The following MAP3K3 variants were observed in gnomAD, a reference collection of about 807,000 sequenced individuals.
MAP3K3 encodes mitogen-activated protein kinase kinase kinase 3.
MAP3K3 carries 12 observed loss-of-function variants against 80.9 expected under a neutral mutation model. The ratio of observed to expected loss-of-function variants is 0.15; its 90% confidence interval spans 0.10 to 0.24. The LOEUF is 0.24. Among genes scored for constraint, MAP3K3 ranks in the 10% least tolerant of loss-of-function variants. The probability of loss-of-function intolerance (pLI) is 1.00; values close to 1 mark genes in which losing one functional copy is unlikely to be tolerated. For missense variants in MAP3K3, 596 were observed against 834.7 expected (o/e 0.71, Z 3.52); for synonymous variants, 272 against 307.1 (o/e 0.89, Z 1.19).
chr17:63,682,119 T>G (rs1003851887), intron 7 of MAP3K3, among the ~76,000 whole-genome samples: 1 of 152,218 alleles, frequency 6.6e-6, no homozygotes. Flanking sequence ...CTACATAGTT[T>G]CCTTGTTGTT....
In MAP3K3 at chr17:63,694,840, G is replaced by C. The variant is rs895224521; in HGVS notation, c.*1063G>C. On this transcript the variant is annotated 3_prime_UTR_variant, in exon 16 of 16. Transcript: ENST00000361733. ...CCACCAGCTGTGTCCAAAACCGCCA[G>C]CTCTGTTCTTCCTCAGCCAGCCTCG... The C allele has an allele frequency of 6.5e-6, 1 of 153,196 alleles. No homozygotes were observed. Among genetic ancestry groups the C allele is most frequent in the African/African-American group, 2.4e-5 (1 of 41,472 alleles). The allele number at this position is 153,196 out of a possible 1,614,324, so 9.5% of individuals were successfully genotyped here.
chr17:63,634,371 C>G (rs1408350451), intron 2 of MAP3K3, among the ~76,000 whole-genome samples: 1 of 152,138 alleles, frequency 6.6e-6, no homozygotes, highest in Non-Finnish European at 1.5e-5. Context: ...AAAGGGGAAG[C>G]TTTCTTGAAT....
rs1484825405 is a variant in MAP3K3 at position 63,652,587 on chromosome 17, T to C, written c.198T>C (p.Tyr66=). ...TAGCGTTCAGCCGGCCTGTGAAATA[T>C]GAAGATGTGGAGCACAAGGTGACAA... ...RIIAFSRPVK[Y]EDVEHKVTTV... is the part of the protein sequence containing the mutation. The change falls in exon 4 of 16, where the codon TAT becomes TAC. Residue 66 remains tyrosine (Y), a synonymous_variant. Transcript: ENST00000361733. 2 of 1,613,878 alleles carry C rather than the reference T, an allele frequency of 1.2e-6. No homozygotes were observed. The highest frequency in any genetic ancestry group is 1.3e-5 in the African/African-American group (1 of 74,918).
At position 63,692,363 on chromosome 17, in the gene MAP3K3, C is replaced by T; in HGVS notation, c.1596C>T (p.Tyr532=). ...TGMRSVTGTP[Y]WMSPEVISGE... is the part of the protein sequence containing the mutation. ...TGCGCTCCGTCACTGGCACACCCTA[C>T]TGGATGAGCCCTGAGGTGATCAGCG... Residue 532 remains tyrosine (Y), a synonymous_variant, in exon 15 of 16, where the codon TAC becomes TAT. Transcript: ENST00000361733. This position sits in a 1 kb window ranked among gnomAD's most constrained non-coding sequence, Gnocchi z 4.5. 2 of 1,613,930 alleles carry T rather than the reference C, an allele frequency of 1.2e-6. No individual in the cohort carries two copies. The highest frequency in any genetic ancestry group is 1.1e-5 in the South Asian group (1 of 91,082).
intron 8 of MAP3K3, among the ~76,000 whole-genome samples, chr17:63,686,901 T>C (rs1190794610): frequency 6.6e-6 from 1 of 152,220 alleles, no homozygotes; most frequent in Non-Finnish European, 1.5e-5. Flanking sequence ...CAGACAAACC[T>C]AGATCCAGTC....
chr17:63,631,795 C>A (rs1334792383), intron 1 of MAP3K3, among the ~76,000 whole-genome samples: 2 of 152,180 alleles, frequency 1.3e-5, no homozygotes, highest in South Asian at 2.1e-4. Flanking sequence ...ATAGAACTAC[C>A]CTTTGACTTC....
chr17:63,650,158 A>G (rs1308030340), intron 3 of MAP3K3, among the ~76,000 whole-genome samples: 1 of 152,190 alleles, frequency 6.6e-6, no homozygotes, highest in Non-Finnish European at 1.5e-5. Context: ...CATGTGTTTT[A>G]TTAGCCACTT....
At chr17:63,687,186 C>T (rs1306833502) in intron 8 of MAP3K3, among the ~76,000 whole-genome samples, 5 of 143,606 alleles carry the variant, frequency 3.5e-5, no homozygotes, top group Admixed American at 7.0e-5. Flanking sequence ...ACCAGCATAG[C>T]GAAACCCCGT....
chr17:63,627,684 C>T (rs1033265289), intron 1 of MAP3K3, among the ~76,000 whole-genome samples: 2 of 151,964 alleles, frequency 1.3e-5, no homozygotes, highest in African/African-American at 2.4e-5. Context: ...GCAGCTGATC[C>T]ACCCTCCTCG....
Position 63,692,330 on chromosome 17 carries a change from G to A in MAP3K3, c.1563G>A (p.Gly521=). The A allele has an allele frequency of 2.5e-6, 4 of 1,613,970 alleles. No homozygotes were observed. The highest frequency in any genetic ancestry group is 2.2e-5 in the East Asian group (1 of 44,882). The change falls in exon 15 of 16, where the codon GGG becomes GGA. Residue 521 remains glycine (G), a synonymous_variant. Transcript: ENST00000361733. The surrounding 1 kb of genome is among the most constrained non-coding windows in gnomAD (Gnocchi z 4.5). The part of the protein sequence containing the change: ...SKRLQTICMS[G]TGMRSVTGTP... ...GCCTGCAGACGATCTGTATGTCGGG[G>A]ACGGGCATGCGCTCCGTCACTGGCA...
At chr17:63,651,932 A>C (rs1159537488) in intron 3 of MAP3K3, among the ~76,000 whole-genome samples, 1 of 152,228 alleles carries the variant, frequency 6.6e-6, no homozygotes, top group Non-Finnish European at 1.5e-5. Flanking sequence ...AGACCTTTCA[A>C]GTCCTAGAGT....
At chr17:63,632,287 T>A (rs752694566) in intron 1 of MAP3K3, among the ~76,000 whole-genome samples, 1 of 151,684 alleles carries the variant, frequency 6.6e-6, no homozygotes, top group Non-Finnish European at 1.5e-5. Flanking sequence ...AGTCCAGGAG[T>A]TGGAGACCAG....
At position 63,689,822 on chromosome 17, in the gene MAP3K3, T is replaced by A; in HGVS notation, c.1063+87T>A. On this transcript the variant is annotated intron_variant, in intron 11 of 15. Transcript: ENST00000361733. This position sits in a 1 kb window ranked among gnomAD's most constrained non-coding sequence, Gnocchi z 4.3. ...CAAACAGCTGGGCCCCTGGGACCCT[T>A]AGGCTCAGCAGGTGGTGGCTTTGGC... is the stretch of plus-strand genomic sequence containing the variant. 7.4e-7 allele frequency: 1 copy of A among 1,349,760 alleles called. No homozygotes were observed. The highest frequency in any genetic ancestry group is 1.0e-6 in the Non-Finnish European group (1 of 993,736). 83.6% of individuals were successfully genotyped at this position (1,349,760 alleles called of 1,614,324 possible).
chr17:63,659,196 T>TAATTATAATTACA (rs1383556105), intron 5 of MAP3K3, among the ~76,000 whole-genome samples: 8 of 152,224 alleles, frequency 5.3e-5, no homozygotes, highest in Admixed American at 3.9e-4. Flanking sequence ...TTCTATGTTG[T>TAATTATAATTACA]AATTATAATT....
chr17:63,656,952 G>A (rs1320376297), intron 4 of MAP3K3, among the ~76,000 whole-genome samples: 1 of 152,174 alleles, frequency 6.6e-6, no homozygotes, highest in Non-Finnish European at 1.5e-5. Flanking sequence ...GGCGACAGGA[G>A]AGAGAAGTGC....
At chr17:63,653,716 A>G (rs966715772) in intron 4 of MAP3K3, among the ~76,000 whole-genome samples, 13 of 152,172 alleles carry the variant, frequency 8.5e-5, no homozygotes, top group African/African-American at 3.1e-4. Flanking sequence ...AAGAATCCCA[A>G]ATGAAAAATC....
intron 3 of MAP3K3, 63 bp downstream of exon 3, chr17:63,646,137 G>A: frequency 7.0e-7 from 1 of 1,427,020 alleles, no homozygotes; most frequent in Non-Finnish European, 9.9e-7. Flanking sequence ...ATAGCATTGA[G>A]TTCATGGAAG....
intron 8 of MAP3K3, among the ~76,000 whole-genome samples, chr17:63,687,909 C>T (rs1480084155): frequency 6.7e-6 from 1 of 149,044 alleles, no homozygotes; most frequent in Admixed American, 6.7e-5. Context: ...CACTCCAGCC[C>T]GGCAGCAGAG....
chr17:63,657,190 C>G (rs1178309275), intron 4 of MAP3K3, among the ~76,000 whole-genome samples: 2 of 151,950 alleles, frequency 1.3e-5, no homozygotes, highest in African/African-American at 4.8e-5. Flanking sequence ...GGACATGATC[C>G]TACTTAATTT....
Sources: gnomAD v4.1 joint callset for allele counts (sites outside exome capture counted in the v4.1 genomes callset) on GRCh38, gnomAD v4.1.1 for gene constraint, Gnocchi (gnomAD v3.1) non-coding constraint, MANE v1.5 for transcripts, NCBI Gene and HGNC (gene_info 2026-07-23, HGNC 2026-07-21) for gene names.